LAMA2: variants seen among roughly 807,000 people sequenced by gnomAD.
The protein encoded by LAMA2 is laminin subunit alpha-2.
LAMA2 carries 269 observed loss-of-function variants against 364.8 expected under a neutral mutation model. The ratio of observed to expected loss-of-function variants is 0.74; its 90% confidence interval spans 0.67 to 0.82. The LOEUF (loss-of-function observed/expected upper bound fraction) is 0.82, where lower values mean the gene tolerates loss of function less well. Ranked by LOEUF, LAMA2 falls within the 40% of genes least tolerant of loss-of-function variation. The pLI is 0.00. For missense variants in LAMA2, 3,807 were observed against 3,873.2 expected (o/e 0.98, Z 0.45); for synonymous variants, 1,379 against 1,370.6 (o/e 1.01, Z -0.14).
intron 62 of LAMA2, among the ~76,000 whole-genome samples, chr6:129,511,700 C>T (rs1257146635): frequency 6.7e-6 from 1 of 148,740 alleles, no homozygotes; most frequent in Admixed American, 6.9e-5. Context: ...AGTGATGTAT[C>T]TATCTTAAAT....
intron 1 of LAMA2, among the ~76,000 whole-genome samples, chr6:129,033,853 AC>A (rs1786410823): frequency 6.6e-6 from 1 of 150,462 alleles, no homozygotes; most frequent in Admixed American, 6.6e-5. Flanking sequence ...TATTTTGGGT[AC>A]CCTTATGCTG....
chr6:129,452,784 A>C (rs999932101), intron 45 of LAMA2, among the ~76,000 whole-genome samples: 1 of 152,224 alleles, frequency 6.6e-6, no homozygotes, highest in Non-Finnish European at 1.5e-5. Flanking sequence ...AACAGCTCAT[A>C]GTCAAAATTC....
intron 12 of LAMA2, among the ~76,000 whole-genome samples, chr6:129,195,510 GT>G (rs1781784817): frequency 6.6e-6 from 1 of 152,242 alleles, no homozygotes; most frequent in Admixed American, 6.5e-5. Flanking sequence ...AACTTAGCAC[GT>G]TTTTATACTT....
chr6:129,481,536 C>T (rs973763714), intron 55 of LAMA2, 97 bp downstream of exon 55: 2 of 1,042,332 alleles, frequency 1.9e-6, no homozygotes, highest in African/African-American at 3.1e-5. Flanking sequence ...TTTATTTCTG[C>T]TCTCATCTTG....
intron 4 of LAMA2, among the ~76,000 whole-genome samples, chr6:129,133,305 C>T (rs752546705): frequency 9.9e-5 from 15 of 152,046 alleles, no homozygotes; most frequent in South Asian, 2.1e-4. Flanking sequence ...TACTTGAATG[C>T]GGAGAAACTT....
intron 3 of LAMA2, among the ~76,000 whole-genome samples, chr6:129,079,285 T>A (rs1286685294): frequency 1.3e-5 from 2 of 152,174 alleles, no homozygotes; most frequent in Non-Finnish European, 2.9e-5. Flanking sequence ...TTATTGTTGT[T>A]AAATCTCTTA....
chr6:129,259,478 CTG>C (rs1562388126), intron 14 of LAMA2, among the ~76,000 whole-genome samples: 2 of 152,006 alleles, frequency 1.3e-5, no homozygotes, highest in South Asian at 4.1e-4. Context: ...ATTTTTAAAA[CTG>C]TGATTATTAT....
At chr6:128,931,518 A>C (rs977105874) in intron 1 of LAMA2, among the ~76,000 whole-genome samples, 1 of 152,218 alleles carries the variant, frequency 6.6e-6, no homozygotes, top group Non-Finnish European at 1.5e-5. Context: ...TGTTGCCAAT[A>C]AAATAGTTAT....
intron 12 of LAMA2, among the ~76,000 whole-genome samples, chr6:129,206,104 G>T (rs995381543): frequency 1.9e-5 from 2 of 104,942 alleles, no homozygotes; most frequent in Admixed American, 8.5e-5. Context: ...GAGGGAGGGA[G>T]GGAGGAAGGA....
intron 1 of LAMA2, chr6:128,929,943 C>T: frequency 1.4e-6 from 1 of 732,832 alleles, no homozygotes; most frequent in Non-Finnish European, 2.4e-6. Flanking sequence ...CACAGCCCCA[C>T]CTGGACCCAC....
chr6:128,883,431 G>A, intron 1 of LAMA2, 74 bp downstream of exon 1: 1 of 1,542,046 alleles, frequency 6.5e-7, no homozygotes, highest in South Asian at 1.2e-5. Context: ...ACTCTTCCGA[G>A]AGTTGCTGTC....
intron 1 of LAMA2, among the ~76,000 whole-genome samples, chr6:129,028,863 C>G (rs1786023304): frequency 6.6e-6 from 1 of 151,732 alleles, no homozygotes; most frequent in Admixed American, 6.6e-5. Flanking sequence ...AATATTTTCA[C>G]TGATCAGTAA....
rs182345256 is a variant in LAMA2 at position 129,032,963 on chromosome 6, G to T, written c.113-16955G>T. Among the ~76,000 whole-genome samples the T allele has an allele frequency of 1.2e-3, 189 of 152,224 alleles. 4 individuals carry two copies. The highest frequency in any genetic ancestry group is 3.1e-4 in the Non-Finnish European group (21 of 68,024). ...TGGGGATTAGAACGCTGAAAACCAC[G>T]AACTCTACTTTGGAGAGTAATATTA... is the stretch of plus-strand genomic sequence containing the variant. On this transcript the variant is annotated intron_variant, in intron 1 of 64. Coordinates refer to ENST00000421865, the MANE Select transcript of LAMA2 (RefSeq NM_000426.4).
intron 34 of LAMA2, among the ~76,000 whole-genome samples, chr6:129,370,525 A>G (rs1263480818): frequency 1.3e-5 from 2 of 152,224 alleles, no homozygotes; most frequent in Non-Finnish European, 2.9e-5. Flanking sequence ...TGGAAATTTT[A>G]AATTTTCAAA....
intron 17 of LAMA2, among the ~76,000 whole-genome samples, chr6:129,275,863 A>C (rs1030313147): frequency 2.6e-5 from 4 of 152,088 alleles, no homozygotes; most frequent in African/African-American, 4.8e-5. Context: ...GCAGAATGGG[A>C]AACAGGTTTA....
intron 4 of LAMA2, among the ~76,000 whole-genome samples, chr6:129,137,122 G>C (rs887937983): frequency 6.6e-6 from 1 of 152,082 alleles, no homozygotes; most frequent in African/African-American, 2.4e-5. Context: ...TCTTGGAAGA[G>C]GTAAGTTAAA....
chr6:129,337,581 AATG>A (rs1776025324), intron 29 of LAMA2, among the ~76,000 whole-genome samples: 1 of 152,160 alleles, frequency 6.6e-6, no homozygotes, highest in Non-Finnish European at 1.5e-5. Flanking sequence ...TCATGCATTT[AATG>A]ATATCTCAAG....
In LAMA2 at chr6:129,144,128, A is replaced by G. The variant is rs775194467; in HGVS notation, c.819+48A>G. 2.3e-5 allele frequency: 33 copies of G among 1,450,468 alleles called. No homozygotes were observed. The South Asian group carries it at 3.5e-4, about 16-fold the overall frequency. 89.8% of individuals were successfully genotyped at this position (1,450,468 alleles called of 1,614,324 possible). ...AGAGCCTACAAATGATATCCCACTT[A>G]TCTTTTTGTCTGTTAAATACTTTAA... On this transcript the variant is annotated intron_variant, in intron 5 of 64. Coordinates refer to ENST00000421865, the MANE Select transcript of LAMA2 (RefSeq NM_000426.4).
intron 35 of LAMA2, among the ~76,000 whole-genome samples, chr6:129,388,394 G>C (rs1390514647): frequency 6.6e-6 from 1 of 151,938 alleles, no homozygotes; most frequent in Non-Finnish European, 1.5e-5. Context: ...AGTCATTTTT[G>C]TGCACCTTAA....
Sources: allele counts gnomAD v4.1 joint callset (sites outside exome capture counted in the v4.1 genomes callset), GRCh38; gene constraint gnomAD v4.1.1; transcripts MANE v1.5; gene names NCBI Gene and HGNC (gene_info 2026-07-23, HGNC 2026-07-21).